The following PLCH1 variants were observed in gnomAD, a reference collection of about 807,000 sequenced individuals.
PLCH1 encodes 1-phosphatidylinositol 4,5-bisphosphate phosphodiesterase eta-1.
PLCH1 carries 60 observed loss-of-function variants against 126.7 expected under a neutral mutation model. The observed-to-expected ratio is 0.47, with a 90% CI of 0.38 to 0.59. The LOEUF is 0.59. PLCH1 is among the 20% of genes least tolerant of loss of function. The pLI is 0.00. For missense variants in PLCH1, 1,723 were observed against 2,040.0 expected, an observed-to-expected ratio of 0.84 and a Z score of 2.99; for synonymous variants, 719 against 734.9, an observed-to-expected ratio of 0.98 and a Z score of 0.35.
chr3:155,592,611 G>C (rs973951012), intron 4 of PLCH1, among the ~76,000 whole-genome samples: 1 of 152,170 alleles, frequency 6.6e-6, no homozygotes, highest in Admixed American at 6.5e-5. Context: ...TCGGCTGCAA[G>C]ACGAAGCCAA....
At chr3:155,563,733 T>A (rs1423492665) in intron 8 of PLCH1, among the ~76,000 whole-genome samples, 1 of 152,084 alleles carries the variant, frequency 6.6e-6, no homozygotes, top group Non-Finnish European at 1.5e-5. Flanking sequence ...TATTAAAACC[T>A]TTCACTGGCC....
intron 19 of PLCH1, among the ~76,000 whole-genome samples, chr3:155,489,828 A>T (rs1391640517): frequency 1.3e-5 from 2 of 152,288 alleles, no homozygotes; most frequent in African/African-American, 4.8e-5. Flanking sequence ...TGCATTTCGG[A>T]GGTATCAACC....
intron 22 of PLCH1, chr3:155,483,283 T>A: frequency 9.2e-7 from 1 of 1,091,688 alleles, no homozygotes. Context: ...TTACATCTGC[T>A]AAGGATGTAA....
chr3:155,481,687 A>G lies in PLCH1; in HGVS notation c.4339T>C (p.Phe1447Leu). The G allele has an allele frequency of 6.2e-7, 1 of 1,614,182 alleles. No homozygotes were observed. Among genetic ancestry groups the G allele is most frequent in the South Asian group, 1.1e-5 (1 of 91,078 alleles). ...GATTGCTGGGGCACACAGGTCTGGA[A>G]CATTTTTGCATCTGAATCTGAGAAA... ...NHFSDSDAKMFQTCVPQQSSA... is the reference protein window; with the variant it reads ...NHFSDSDAKMLQTCVPQQSSA... The change falls in exon 23 of 23, where the codon TTC becomes CTC. Residue 1447 changes from phenylalanine (F) to leucine (L), a missense_variant. By Grantham distance (22) the Phe-to-Leu change is conservative (BLOSUM62 0). Transcript: ENST00000460012. The surrounding 1 kb of genome is among the most constrained non-coding windows in gnomAD (Gnocchi z 4.2).
intron 8 of PLCH1, among the ~76,000 whole-genome samples, chr3:155,561,383 G>T (rs1293344736): frequency 6.6e-6 from 1 of 150,604 alleles, no homozygotes; most frequent in Non-Finnish European, 1.5e-5. Flanking sequence ...AATATGCGGA[G>T]TTTGGTTTTT....
chr3:155,688,680 T>C (rs1745140966), intron 2 of PLCH1, among the ~76,000 whole-genome samples: 1 of 151,798 alleles, frequency 6.6e-6, no homozygotes, highest in Admixed American at 6.6e-5. Context: ...GAAGGGTGGG[T>C]CCCAGGCCTG....
At chr3:155,595,788 G>A (rs1732904522) in intron 3 of PLCH1, among the ~76,000 whole-genome samples, 1 of 152,158 alleles carries the variant, frequency 6.6e-6, no homozygotes. Flanking sequence ...GTGAGGGAAA[G>A]AAGCTTTAAG....
intron 21 of PLCH1, among the ~76,000 whole-genome samples, chr3:155,461,395 G>C (rs1712718519): frequency 6.6e-6 from 1 of 152,208 alleles, no homozygotes; most frequent in African/African-American, 2.4e-5. Context: ...TGTAACTGCA[G>C]TTGGAGCTAC....
chr3:155,516,665 G>T (rs1339911473), intron 11 of PLCH1, among the ~76,000 whole-genome samples: 1 of 152,032 alleles, frequency 6.6e-6, no homozygotes, highest in African/African-American at 2.4e-5. Flanking sequence ...GGCACACTGG[G>T]CCCCAGTGCA....
At chr3:155,530,893 A>G (rs778969730) in intron 10 of PLCH1, among the ~76,000 whole-genome samples, 50 of 152,352 alleles carry the variant, frequency 3.3e-4, no homozygotes, top group Middle Eastern at 3.4e-3. Context: ...ACATAGAACA[A>G]CGAGCTACAG....
At chr3:155,550,989 G>A (rs1449922913) in intron 9 of PLCH1, among the ~76,000 whole-genome samples, 1 of 152,016 alleles carries the variant, frequency 6.6e-6, no homozygotes, top group Non-Finnish European at 1.5e-5. Context: ...TTCCTTACTC[G>A]ACTACAATCT....
At chr3:155,665,337 C>T (rs908913473) in intron 2 of PLCH1, among the ~76,000 whole-genome samples, 41 of 152,096 alleles carry the variant, frequency 2.7e-4, no homozygotes, top group African/African-American at 9.9e-4. Context: ...GTGCCCAGGT[C>T]CAGTGTTGTT....
At chr3:155,564,036 C>T (rs1014132110) in intron 8 of PLCH1, among the ~76,000 whole-genome samples, 1 of 152,092 alleles carries the variant, frequency 6.6e-6, no homozygotes, top group Non-Finnish European at 1.5e-5. Context: ...CAGCTTTGAA[C>T]TCCTGGTCCC....
intron 6 of PLCH1, among the ~76,000 whole-genome samples, chr3:155,577,569 T>C (rs544107052): frequency 7.5e-4 from 115 of 152,348 alleles, no homozygotes; most frequent in African/African-American, 2.7e-3. Flanking sequence ...TACCTCTTGA[T>C]GTATGATCAC....
intron 2 of PLCH1, among the ~76,000 whole-genome samples, chr3:155,631,280 T>C (rs1357213351): frequency 2.0e-5 from 3 of 152,214 alleles, no homozygotes; most frequent in Non-Finnish European, 4.4e-5. Flanking sequence ...CTGATTATAT[T>C]ATTAATGCTA....
chr3:155,725,010 G>A (rs566557721), intron 1 of PLCH1, among the ~76,000 whole-genome samples: 1 of 152,282 alleles, frequency 6.6e-6, no homozygotes, highest in South Asian at 2.1e-4. Flanking sequence ...GTCTGAAAAA[G>A]ACTGTATCTT....
intron 1 of PLCH1, among the ~76,000 whole-genome samples, chr3:155,726,377 C>T (rs1315370777): frequency 6.6e-6 from 1 of 152,068 alleles, no homozygotes; most frequent in African/African-American, 2.4e-5. Context: ...CAGTTAATTT[C>T]CCACAGTACA....
chr3:155,573,460 A>G (rs1261960598), intron 6 of PLCH1, among the ~76,000 whole-genome samples: 1 of 152,168 alleles, frequency 6.6e-6, no homozygotes, highest in East Asian at 1.9e-4. Flanking sequence ...TGCTGTTCTC[A>G]TTTAGAGTTC....
intron 2 of PLCH1, among the ~76,000 whole-genome samples, chr3:155,692,380 A>G (rs139760459): frequency 6.6e-6 from 1 of 152,282 alleles, no homozygotes; most frequent in African/African-American, 2.4e-5. Flanking sequence ...AACAACTTCA[A>G]TGCAGTGATT....
Sources: allele counts gnomAD v4.1 joint callset (sites outside exome capture counted in the v4.1 genomes callset), GRCh38; gene constraint gnomAD v4.1.1; non-coding constraint Gnocchi (gnomAD v3.1); transcripts MANE v1.5; gene names NCBI Gene and HGNC (gene_info 2026-07-23, HGNC 2026-07-21).